Variants in TUBGCP4 observed in about 807,000 individuals in gnomAD.
TUBGCP4 encodes the protein gamma-tubulin complex component 4.
Under a neutral mutation model 91.6 loss-of-function variants are expected in TUBGCP4, and 54 were observed. The ratio of observed to expected loss-of-function variants is 0.59; its 90% CI spans 0.47 to 0.74. The LOEUF (loss-of-function observed/expected upper bound fraction) is 0.74, where lower values mean the gene tolerates loss of function less well. Ranked by LOEUF, TUBGCP4 falls within the 30% of genes least tolerant of loss-of-function variation. TUBGCP4 has a pLI of 0.00. For synonymous variants in TUBGCP4, 297 were observed against 302.8 expected (o/e 0.98, Z 0.20); for missense variants, 593 against 800.9 (o/e 0.74, Z 3.13).
intron 16 of TUBGCP4, 59 bp downstream of exon 16, chr15:43,403,858 G>C (rs749488252): frequency 7.7e-6 from 9 of 1,174,558 alleles, no homozygotes; most frequent in African/African-American, 1.5e-5. Flanking sequence ...TTTGCCAATG[G>C]AGAATTCATG....
chr15:43,376,196 T>C lies in TUBGCP4; in HGVS notation c.177T>C (p.Ile59=), dbSNP rs751895017. 4 of 1,614,056 alleles carry C rather than the reference T, an allele frequency of 2.5e-6. No homozygotes were observed. The highest frequency in any genetic ancestry group is 3.3e-5 in the Admixed American group (2 of 60,014). ...GTDYIRFTEF[I]EQYTGHVQQQ... is the part of the protein sequence containing the mutation. Reference sequence around the variant, plus strand: ...ACTATATTCGCTTCACTGAGTTCATTGAACAGTACACGGGCCATGTGCAAC... The same window carrying C: ...ACTATATTCGCTTCACTGAGTTCATCGAACAGTACACGGGCCATGTGCAAC... The change falls in exon 2 of 18, where the codon ATT becomes ATC. Residue 59 remains isoleucine, a synonymous_variant. Transcript: ENST00000564079.
intron 7 of TUBGCP4, chr15:43,385,491 A>G: frequency 2.1e-6 from 1 of 479,584 alleles, no homozygotes; most frequent in South Asian, 1.6e-5. Flanking sequence ...AAAAAAGACC[A>G]CCTCTTTCAT....
At position 43,406,147 on chromosome 15, in the gene TUBGCP4, C is replaced by T. The variant is rs1474621147; in HGVS notation, c.*933C>T. The T allele has an allele frequency of 6.6e-6, 1 of 151,746 alleles. No individual in the cohort carries two copies. Among genetic ancestry groups the T allele is most frequent in the Non-Finnish European group, 1.5e-5 (1 of 68,058 alleles). The allele number at this position is 151,746 out of a possible 1,614,324, so 9.4% of individuals were successfully genotyped here. A position where few individuals can be genotyped will look rare whatever the true frequency, so the allele number is the denominator to read the frequency against. The stretch of plus-strand genomic sequence containing the variant: ...TTTTAAATACTGAAGATTGCAGGCC[C>T]AATTACCCATCTTACACAAACCATA... On this transcript the variant is annotated 3_prime_UTR_variant, in exon 18 of 18. Transcript: ENST00000564079.
Position 43,371,278 on chromosome 15 carries a change from G to A in TUBGCP4, c.-77G>A. On this transcript the variant is annotated 5_prime_UTR_variant, in exon 1 of 18. Transcript: ENST00000564079. ...GGCCGGTGCGCGTGTGGAAGGGGAA[G>A]CACTCCCCTCGTGGTCGCCTGGAGG... is the stretch of plus-strand genomic sequence containing the variant. The A allele has an allele frequency of 1.4e-6, 2 of 1,427,836 alleles. No individual in the cohort carries two copies. Among genetic ancestry groups the A allele is most frequent in the Non-Finnish European group, 1.9e-6 (2 of 1,027,364 alleles). 88.4% of individuals were successfully genotyped at this position (1,427,836 alleles called of 1,614,324 possible).
At chr15:43,399,118 AC>A (rs1244925085) in intron 13 of TUBGCP4, 1 of 1,278,884 alleles carries the variant, frequency 7.8e-7, no homozygotes, top group Non-Finnish European at 1.0e-6. Context: ...TTAGAAATAG[AC>A]AATTTTAAAA....
chr15:43,409,149 C>T lies in TUBGCP4; in HGVS notation c.*3935C>T. The T allele has an allele frequency of 6.4e-7, 1 of 1,552,910 alleles. No homozygotes were observed. Among genetic ancestry groups the T allele is most frequent in the East Asian group, 2.2e-5 (1 of 44,464 alleles). The stretch of plus-strand genomic sequence containing the variant: ...GTTTGGTGACTTCTGTGGAAAGCTC[C>T]TAAGCAGCAGCCATAATGAGCCATG... On this transcript the variant is annotated 3_prime_UTR_variant, in exon 18 of 18. Coordinates refer to ENST00000564079, the MANE Select transcript of TUBGCP4 (RefSeq NM_014444.5).
At position 43,383,300 on chromosome 15, in the gene TUBGCP4, C is replaced by G. The variant is rs1390604996; in HGVS notation, c.522-3C>G. The G allele has an allele frequency of 6.2e-7, 1 of 1,612,058 alleles. No homozygotes were observed. The highest frequency in any genetic ancestry group is 1.1e-5 in the South Asian group (1 of 90,732). ...TGAGCCTCTTACTTTCTACTCTGCC[C>G]AGAATCCTGGCCGTTTGTCATGGGG... On this transcript the variant is annotated splice_polypyrimidine_tract_variant and splice_region_variant and intron_variant, in intron 6 of 17. Transcript: ENST00000564079.
In TUBGCP4 at chr15:43,408,880, G is replaced by A. The variant is rs1485315785; in HGVS notation, c.*3666G>A. The A allele has an allele frequency of 1.1e-5, 17 of 1,612,194 alleles. No homozygotes were observed. The highest frequency in any genetic ancestry group is 1.4e-5 in the Non-Finnish European group (17 of 1,178,510). Reference sequence around the variant, plus strand: ...TCCTCCTGCCTATACAATTCTGGATGGGCTTCAAATACTTACCAGTCCAGA... The same window carrying A: ...TCCTCCTGCCTATACAATTCTGGATAGGCTTCAAATACTTACCAGTCCAGA... On this transcript the variant is annotated 3_prime_UTR_variant, in exon 18 of 18. Coordinates refer to ENST00000564079, the MANE Select transcript of TUBGCP4 (RefSeq NM_014444.5).
At position 43,376,729 on chromosome 15, in the gene TUBGCP4, G is replaced by A. The variant is rs565963822; in HGVS notation, c.330+104G>A. The A allele has an allele frequency of 2.0e-6, 3 of 1,500,416 alleles. No individual in the cohort carries two copies. In the South Asian group the frequency reaches 3.6e-5, roughly 18 times the overall value. 92.9% of individuals were successfully genotyped at this position (1,500,416 alleles called of 1,614,324 possible). A position where few individuals can be genotyped will look rare whatever the true frequency, so the allele number is the denominator to read the frequency against. On this transcript the variant is annotated intron_variant, in intron 3 of 17. Coordinates refer to ENST00000564079, the MANE Select transcript of TUBGCP4 (RefSeq NM_014444.5). ...AAGATCAGGTAGTTAAGAGTGAGCAGTTGCCTGCATGGCTGGAAGGTACAG... is the reference window on the plus strand; with the variant it reads ...AAGATCAGGTAGTTAAGAGTGAGCAATTGCCTGCATGGCTGGAAGGTACAG...
At chr15:43,379,287 T>C (rs2044252767) in intron 5 of TUBGCP4, among the ~76,000 whole-genome samples, 1 of 152,190 alleles carries the variant, frequency 6.6e-6, no homozygotes, top group Non-Finnish European at 1.5e-5. Context: ...CTAAAAATTG[T>C]TTATTAGTAT....
chr15:43,382,243 TAAAAG>T (rs1367003775), intron 6 of TUBGCP4, among the ~76,000 whole-genome samples: 1 of 88,064 alleles, frequency 1.1e-5, no homozygotes, highest in Non-Finnish European at 1.9e-5. Flanking sequence ...AAAAGAAAAA[TAAAAG>T]AAAAAGGGAT....
At position 43,386,224 on chromosome 15, in the gene TUBGCP4, A is replaced by G; in HGVS notation, c.908A>G (p.Gln303Arg). The change falls in exon 9 of 18, where the codon CAG becomes CGG. Residue 303 changes from glutamine to arginine, a missense_variant. By Grantham distance (43) the Gln-to-Arg change is conservative. Transcript: ENST00000564079. Reference sequence around the variant, plus strand: ...TTTGCAGGATCCATTTTGAAAAACCAGGAAGACACTTTTGCTGCAGAGCTG... The same window carrying G: ...TTTGCAGGATCCATTTTGAAAAACCGGGAAGACACTTTTGCTGCAGAGCTG... Reference protein sequence around the residue: ...LTRKGSILKNQEDTFAAELHR... With the variant: ...LTRKGSILKNREDTFAAELHR... 1.2e-6 allele frequency: 2 copies of G among 1,607,596 alleles called. No homozygotes were observed. The highest frequency in any genetic ancestry group is 1.7e-6 in the Non-Finnish European group (2 of 1,177,962).
At chr15:43,387,787 A>G (rs2044401118) in intron 9 of TUBGCP4, among the ~76,000 whole-genome samples, 4 of 151,952 alleles carry the variant, frequency 2.6e-5, no homozygotes, top group Admixed American at 2.6e-4. Context: ...TAAAACCTGC[A>G]CTTGCACCAA....
At chr15:43,382,456 C>T (rs537918511) in intron 6 of TUBGCP4, among the ~76,000 whole-genome samples, 1 of 152,240 alleles carries the variant, frequency 6.6e-6, no homozygotes, top group African/African-American at 2.4e-5. Flanking sequence ...AGAACCGTCC[C>T]CCTTGCCTTT....
At position 43,398,229 on chromosome 15, in the gene TUBGCP4, A is replaced by G. The variant is rs116914366; in HGVS notation, c.1418+50A>G. ...GGTAAATATGACCCACCTTACTTGT[A>G]AGGGAAGAAACTAGCAGGAACAGAA... On this transcript the variant is annotated intron_variant, in intron 13 of 17. Coordinates refer to ENST00000564079, the MANE Select transcript of TUBGCP4 (RefSeq NM_014444.5). 0.017 allele frequency: 26,379 copies of G among 1,582,622 alleles called. 284 individuals carry two copies. The highest frequency in any genetic ancestry group is 0.02 in the Non-Finnish European group (22,997 of 1,159,266).
Position 43,405,323 on chromosome 15 carries a change from ATAGGAC to A in TUBGCP4, c.*111_*116del, listed in dbSNP as rs1437737509. ...ACAAATAAATATCTGCGGCTTAGTG[ATAGGAC>A]TCTACCTTTTCTCCTAGAAGCAGTT... On this transcript the variant is annotated 3_prime_UTR_variant, in exon 18 of 18. Coordinates refer to ENST00000564079, the MANE Select transcript of TUBGCP4 (RefSeq NM_014444.5). 7.9e-7 allele frequency: 1 copy of A among 1,261,966 alleles called. No homozygotes were observed. The highest frequency in any genetic ancestry group is 1.1e-6 in the Non-Finnish European group (1 of 871,224). The allele number at this position is 1,261,966 out of a possible 1,614,324, so 78.2% of individuals were successfully genotyped here. A position where few individuals can be genotyped will look rare whatever the true frequency, so the allele number is the denominator to read the frequency against.
intron 6 of TUBGCP4, among the ~76,000 whole-genome samples, chr15:43,382,801 C>T (rs1160702903): frequency 6.6e-6 from 1 of 152,042 alleles, no homozygotes; most frequent in East Asian, 1.9e-4. Flanking sequence ...ATATCCTATT[C>T]CCCAACAACC....
At chr15:43,404,608 T>G in intron 17 of TUBGCP4, 56 bp downstream of exon 17, 7 of 1,584,364 alleles carry the variant, frequency 4.4e-6, no homozygotes, top group Non-Finnish European at 5.2e-6. Flanking sequence ...TTTTAATGAG[T>G]TGTAGAATTC....
chr15:43,391,951 A>G (rs1162079571), intron 9 of TUBGCP4, among the ~76,000 whole-genome samples: 1 of 152,038 alleles, frequency 6.6e-6, no homozygotes, highest in Non-Finnish European at 1.5e-5. Flanking sequence ...GCTACTCGGG[A>G]GGCTGAAGCA....
Sources: gnomAD v4.1 joint callset for allele counts (sites outside exome capture counted in the v4.1 genomes callset) on GRCh38, gnomAD v4.1.1 for gene constraint, MANE v1.5 for transcripts, NCBI Gene and HGNC (gene_info 2026-07-23, HGNC 2026-07-21) for gene names.